Variants in ZBTB22 observed in about 807,000 individuals in gnomAD.
The protein encoded by ZBTB22 is zinc finger and BTB domain-containing protein 22.
For synonymous variants in ZBTB22, 356 were observed against 347.3 expected, an observed-to-expected ratio of 1.03 and a Z score of -0.28; for missense variants, 668 against 834.1, an observed-to-expected ratio of 0.80 and a Z score of 2.45.
Position 33,314,666 on chromosome 6 carries a change from C to A in ZBTB22, c.*346G>T. On this transcript the variant is annotated 3_prime_UTR_variant, in exon 2 of 2. Transcript: ENST00000431845. The stretch of plus-strand genomic sequence containing the variant: ...CGACAACACAAACACAGACTTCAGG[C>A]ACAGACTACAACCACCTGACCCCTG... 1 of 304,770 alleles carries A rather than the reference C, an allele frequency of 3.3e-6. No homozygotes were observed. The highest frequency in any genetic ancestry group is 6.1e-6 in the Non-Finnish European group (1 of 163,586). The allele number at this position is 304,770 out of a possible 1,614,324, so 18.9% of individuals were successfully genotyped here.
chr6:33,315,306 A>C lies in ZBTB22; in HGVS notation c.1611T>G (p.Gly537=). The C allele has an allele frequency of 6.2e-7, 1 of 1,613,872 alleles. No homozygotes were observed. The highest frequency in any genetic ancestry group is 1.1e-5 in the South Asian group (1 of 91,068). Residue 537 remains glycine, a synonymous_variant, in exon 2 of 2, where the codon GGT becomes GGG. Coordinates refer to ENST00000431845, the MANE Select transcript of ZBTB22 (RefSeq NM_005453.5). This position sits in a 1 kb window ranked among gnomAD's most constrained non-coding sequence, Gnocchi z 5.4. ...AGACTCCGCACTCGTAGGGCTTGAG[A>C]CCTGTGTGCGTCTTCATGTGCTCAG... ...HLTEHMKTHT[G]LKPYECGVCA...
At chr6:33,317,092 G>A in intron 1 of ZBTB22, 107 bp from the exon 2 acceptor site, 1 of 726,198 alleles carries the variant, frequency 1.4e-6, no homozygotes, top group Non-Finnish European at 2.2e-6. Context: ...CCCCACAACA[G>A]TGAGGTAGGT....
At position 33,315,818 on chromosome 6, in the gene ZBTB22, G is replaced by C; in HGVS notation, c.1099C>G (p.Pro367Ala). Residue 367 changes from proline to alanine, a missense_variant, in exon 2 of 2, where the codon CCC (proline) becomes GCC (alanine). Pro to Ala is a conservative substitution (Grantham distance 27). Coordinates refer to ENST00000431845, the MANE Select transcript of ZBTB22 (RefSeq NM_005453.5). This position sits in a 1 kb window ranked among gnomAD's most constrained non-coding sequence, Gnocchi z 5.4. The part of the protein sequence containing the change: ...SISDVRTLSE[P>A]PDKGEEQVNF... ...ACCTGCTCCTCCCCCTTGTCTGGGG[G>C]CTCACTCAGGGTACGGACATCACTT... 6.2e-7 allele frequency: 1 copy of C among 1,612,832 alleles called. No individual in the cohort carries two copies. The highest frequency in any genetic ancestry group is 8.5e-7 in the Non-Finnish European group (1 of 1,179,270).
In ZBTB22 at chr6:33,316,711, C is replaced by T; in HGVS notation, c.206G>A (p.Arg69Gln). The T allele has an allele frequency of 6.2e-6, 10 of 1,614,166 alleles. No individual in the cohort carries two copies. The highest frequency in any genetic ancestry group is 1.1e-5 in the South Asian group (1 of 91,082). The change falls in exon 2 of 2, where the codon CGG becomes CAG. Residue 69 changes from arginine (R) to glutamine (Q), a missense_variant. Transcript: ENST00000431845. The surrounding 1 kb of genome is among the most constrained non-coding windows in gnomAD (Gnocchi z 7.2). ...GGCAGCCAGGACAGCCCGATGAGCC[C>T]GGAACTCCCGGCCCTGCACTCTGAT... ...VSIRVQGREF[R>Q]AHRAVLAASS...
Position 33,315,669 on chromosome 6 carries a change from G to T in ZBTB22, c.1248C>A (p.Leu416=). The part of the protein sequence containing the change: ...SYAPSHPPRP[L]LPLDMQGNQI... ...GGTTGCCCTGCATGTCCAAGGGAAGGAGCGGTCGAGGAGGGTGGGAGGGGG... is the reference window on the plus strand; with the variant it reads ...GGTTGCCCTGCATGTCCAAGGGAAGTAGCGGTCGAGGAGGGTGGGAGGGGG... The change falls in exon 2 of 2, where the codon CTC becomes CTA. Residue 416 remains leucine (L), a synonymous_variant. Coordinates refer to ENST00000431845, the MANE Select transcript of ZBTB22 (RefSeq NM_005453.5). The surrounding 1 kb of genome is among the most constrained non-coding windows in gnomAD (Gnocchi z 5.4). 6.2e-7 allele frequency: 1 copy of T among 1,613,948 alleles called. No homozygotes were observed. Among genetic ancestry groups the T allele is most frequent in the Non-Finnish European group, 8.5e-7 (1 of 1,179,950 alleles).
In ZBTB22 at chr6:33,316,100, C is replaced by G. The variant is rs747700434; in HGVS notation, c.817G>C (p.Gly273Arg). 2 of 1,613,320 alleles carry G rather than the reference C, an allele frequency of 1.2e-6. No individual in the cohort carries two copies. The highest frequency in any genetic ancestry group is 1.7e-6 in the Non-Finnish European group (2 of 1,179,958). Residue 273 changes from glycine (G) to arginine (R), a missense_variant, in exon 2 of 2, where the codon GGG (glycine) becomes CGG (arginine). Transcript: ENST00000431845. This position sits in a 1 kb window ranked among gnomAD's most constrained non-coding sequence, Gnocchi z 7.2. Reference sequence around the variant, plus strand: ...AGCCCAGCCCCAGGAACCACTGCCCCCCTCCCATCCCCACCATCATCGCAC... The same window carrying G: ...AGCCCAGCCCCAGGAACCACTGCCCGCCTCCCATCCCCACCATCATCGCAC... ...ELCDDGGDGR[G>R]AVVPGAGLRR...
At chr6:33,317,868 C>G (rs1770022217), upstream of ZBTB22, 1 of 151,950 alleles carries the variant, frequency 6.6e-6, no homozygotes, top group Admixed American at 6.6e-5. Context: ...GAAACATCGC[C>G]ACATTCCACC....
chr6:33,315,065 G>A lies in ZBTB22; in HGVS notation c.1852C>T (p.Pro618Ser). ...CCCATCTCCACCTTGTGGACTCTGG[G>A]TGGGGACCAGACACGTCTGCTGGAC... is the stretch of plus-strand genomic sequence containing the variant. ...PPSSRRVWSP[P>S]RVHKVEMGFG... The change falls in exon 2 of 2, where the codon CCC becomes TCC. Residue 618 changes from proline to serine, a missense_variant. Transcript: ENST00000431845. This position sits in a 1 kb window ranked among gnomAD's most constrained non-coding sequence, Gnocchi z 5.4. 4.4e-6 allele frequency: 7 copies of A among 1,593,814 alleles called. No homozygotes were observed. The highest frequency in any genetic ancestry group is 6.0e-6 in the Non-Finnish European group (7 of 1,166,934).
Position 33,316,942 on chromosome 6 carries a change from C to A in ZBTB22, c.-26G>T. ...GTTGTGGAGGGAGGGGATACCCCCC[C>A]AGCCACAGGAACAAAGAAAGGAGGA... On this transcript the variant is annotated 5_prime_UTR_variant, in exon 2 of 2. Transcript: ENST00000431845. The surrounding 1 kb of genome is among the most constrained non-coding windows in gnomAD (Gnocchi z 7.2). The A allele has an allele frequency of 6.5e-7, 1 of 1,535,612 alleles. No homozygotes were observed. Among genetic ancestry groups the A allele is most frequent in the Non-Finnish European group, 8.7e-7 (1 of 1,143,956 alleles).
chr6:33,316,705 T>C lies in ZBTB22; in HGVS notation c.212A>G (p.His71Arg), dbSNP rs1459079947. ...IRVQGREFRAHRAVLAASSPY... is the reference protein window; with the variant it reads ...IRVQGREFRARRAVLAASSPY... ...GGAGGAGGCAGCCAGGACAGCCCGATGAGCCCGGAACTCCCGGCCCTGCAC... is the reference window on the plus strand; with the variant it reads ...GGAGGAGGCAGCCAGGACAGCCCGACGAGCCCGGAACTCCCGGCCCTGCAC... Residue 71 changes from histidine to arginine, a missense_variant, in exon 2 of 2, where the codon CAT (histidine) becomes CGT (arginine). By Grantham distance (29) the His-to-Arg change is conservative. Coordinates refer to ENST00000431845, the MANE Select transcript of ZBTB22 (RefSeq NM_005453.5). The surrounding 1 kb of genome is among the most constrained non-coding windows in gnomAD (Gnocchi z 7.2). The C allele has an allele frequency of 6.2e-7, 1 of 1,614,068 alleles. No individual in the cohort carries two copies.
chr6:33,314,797 G>T lies in ZBTB22; in HGVS notation c.*215C>A. The T allele has an allele frequency of 1.1e-6, 1 of 932,172 alleles. No homozygotes were observed. The highest frequency in any genetic ancestry group is 1.5e-6 in the Non-Finnish European group (1 of 662,846). 57.7% of individuals were successfully genotyped at this position (932,172 alleles called of 1,614,324 possible). Reference sequence around the variant, plus strand: ...TGTACCCATCAGAGGGAAAGGAAGGGTTTAGTTCTGGAAATACCTTGGGGG... The same window carrying T: ...TGTACCCATCAGAGGGAAAGGAAGGTTTTAGTTCTGGAAATACCTTGGGGG... On this transcript the variant is annotated 3_prime_UTR_variant, in exon 2 of 2. Transcript: ENST00000431845.
Position 33,316,885 on chromosome 6 carries a change from G to T in ZBTB22, c.32C>A (p.Ala11Glu). 6.2e-7 allele frequency: 1 copy of T among 1,609,992 alleles called. No homozygotes were observed. Residue 11 changes from alanine to glutamate, a missense_variant, in exon 2 of 2, where the codon GCA becomes GAA. By Grantham distance (107) the Ala-to-Glu change is moderately radical. Coordinates refer to ENST00000431845, the MANE Select transcript of ZBTB22 (RefSeq NM_005453.5). This position sits in a 1 kb window ranked among gnomAD's most constrained non-coding sequence, Gnocchi z 7.2. MEPSPLSPSGAALPLPLSLAP... is the reference protein window; with the variant it reads MEPSPLSPSGEALPLPLSLAP... The stretch of plus-strand genomic sequence containing the variant: ...CAGCGACAGCGGCAGGGGAAGTGCT[G>T]CCCCACTGGGAGACAGAGGAGATGG...
Position 33,315,367 on chromosome 6 carries a change from A to G in ZBTB22, c.1550T>C (p.Val517Ala), listed in dbSNP as rs1769774773. 1 of 1,614,084 alleles carries G rather than the reference A, an allele frequency of 6.2e-7. No individual in the cohort carries two copies. The highest frequency in any genetic ancestry group is 1.3e-5 in the African/African-American group (1 of 74,936). ...HLNLRPFDCPVCNKKFKMKHH... is the reference protein window; with the variant it reads ...HLNLRPFDCPACNKKFKMKHH... ...CTTCATCTTGAACTTTTTGTTGCAC[A>G]CGGGGCAGTCAAACGGCCGCAGATT... The change falls in exon 2 of 2, where the codon GTG becomes GCG. Residue 517 changes from valine (V) to alanine (A), a missense_variant. Coordinates refer to ENST00000431845, the MANE Select transcript of ZBTB22 (RefSeq NM_005453.5). This position sits in a 1 kb window ranked among gnomAD's most constrained non-coding sequence, Gnocchi z 5.4.
Position 33,316,763 on chromosome 6 carries a change from G to A in ZBTB22, c.154C>T (p.Leu52=). 6.2e-7 allele frequency: 1 copy of A among 1,614,206 alleles called. No individual in the cohort carries two copies. Among genetic ancestry groups the A allele is most frequent in the South Asian group, 1.1e-5 (1 of 91,088 alleles). The change falls in exon 2 of 2, where the codon CTG becomes TTG. Residue 52 remains leucine (L), a synonymous_variant. Coordinates refer to ENST00000431845, the MANE Select transcript of ZBTB22 (RefSeq NM_005453.5). The surrounding 1 kb of genome is among the most constrained non-coding windows in gnomAD (Gnocchi z 7.2). ...ALLESLNQQR[L]QGQLCDVSIR... ...GATACATCGCAGAGCTGGCCCTGCAGACGCTGCTGATTGAGGGACTCCAAG... is the reference window on the plus strand; with the variant it reads ...GATACATCGCAGAGCTGGCCCTGCAAACGCTGCTGATTGAGGGACTCCAAG...
chr6:33,314,998 A>G lies in ZBTB22; in HGVS notation c.*14T>C, dbSNP rs199651905. On this transcript the variant is annotated 3_prime_UTR_variant, in exon 2 of 2. Coordinates refer to ENST00000431845, the MANE Select transcript of ZBTB22 (RefSeq NM_005453.5). ...CCTTTCCCGAAAGCTACCCCACCCC[A>G]GTAGCCTGCCCCTTCAGTTTGCTCC... 7.0e-5 allele frequency: 107 copies of G among 1,530,894 alleles called. No individual in the cohort carries two copies. In the African/African-American group the frequency reaches 1.2e-3, roughly 17 times the overall value. The allele number at this position is 1,530,894 out of a possible 1,614,324, so 94.8% of individuals were successfully genotyped here. A position where few individuals can be genotyped will look rare whatever the true frequency, so the allele number is the denominator to read the frequency against.
In ZBTB22 at chr6:33,314,959, C is replaced by A; in HGVS notation, c.*53G>T. 3 of 1,514,608 alleles carry A rather than the reference C, an allele frequency of 2.0e-6. No homozygotes were observed. The highest frequency in any genetic ancestry group is 2.7e-6 in the Non-Finnish European group (3 of 1,131,266). 93.8% of individuals were successfully genotyped at this position (1,514,608 alleles called of 1,614,324 possible). A position where few individuals can be genotyped will look rare whatever the true frequency, so the allele number is the denominator to read the frequency against. On this transcript the variant is annotated 3_prime_UTR_variant, in exon 2 of 2. Coordinates refer to ENST00000431845, the MANE Select transcript of ZBTB22 (RefSeq NM_005453.5). ...CCCGGGGGCCACAGCGCCCTTGCATCGTGCTCCTTATTCCCTTTCCCGAAA... is the reference window on the plus strand; with the variant it reads ...CCCGGGGGCCACAGCGCCCTTGCATAGTGCTCCTTATTCCCTTTCCCGAAA...
chr6:33,316,172 T>G lies in ZBTB22; in HGVS notation c.745A>C (p.Ser249Arg), dbSNP rs1193732831. The G allele has an allele frequency of 1.9e-6, 3 of 1,613,890 alleles. No individual in the cohort carries two copies. Among genetic ancestry groups the G allele is most frequent in the African/African-American group, 2.7e-5 (2 of 75,010 alleles). ...AGCTTTCCAGATGTGGCCCCTCCAC[T>G]GCCAACGACAGGGGCTGGGAATACA... Reference protein sequence around the residue: ...GPVFPAPVVGSGGATSGKLLL... With the variant: ...GPVFPAPVVGRGGATSGKLLL... The change falls in exon 2 of 2, where the codon AGT becomes CGT. Residue 249 changes from serine (S) to arginine (R), a missense_variant. Ser to Arg is a moderately radical substitution (Grantham distance 110). Coordinates refer to ENST00000431845, the MANE Select transcript of ZBTB22 (RefSeq NM_005453.5). The surrounding 1 kb of genome is among the most constrained non-coding windows in gnomAD (Gnocchi z 7.2).
rs1769758550 is a variant in ZBTB22, at chr6:33,315,196, G to T, written c.1721C>A (p.Ala574Asp). ...ERRHRLGGVG[A>D]VPGPGTPTGP... ...CGTGGGAGTCCCAGGCCCAGGTACG[G>T]CCCCGACCCCGCCCAGGCGGTGCCG... The change falls in exon 2 of 2, where the codon GCC becomes GAC. Residue 574 changes from alanine to aspartate, a missense_variant. Transcript: ENST00000431845. The surrounding 1 kb of genome is among the most constrained non-coding windows in gnomAD (Gnocchi z 5.4). The T allele has an allele frequency of 6.2e-7, 1 of 1,612,466 alleles. No individual in the cohort carries two copies. The highest frequency in any genetic ancestry group is 1.3e-5 in the African/African-American group (1 of 74,882).
At position 33,315,668 on chromosome 6, in the gene ZBTB22, G is replaced by A; in HGVS notation, c.1249C>T (p.Leu417Phe). 2 of 1,613,958 alleles carry A rather than the reference G, an allele frequency of 1.2e-6. No homozygotes were observed. The highest frequency in any genetic ancestry group is 1.3e-5 in the African/African-American group (1 of 74,960). Residue 417 changes from leucine (L) to phenylalanine (F), a missense_variant, in exon 2 of 2, where the codon CTT (leucine) becomes TTT (phenylalanine). Leu to Phe is a conservative substitution (Grantham distance 22). Transcript: ENST00000431845. This position sits in a 1 kb window ranked among gnomAD's most constrained non-coding sequence, Gnocchi z 5.4. ...YAPSHPPRPL[L>F]PLDMQGNQIL... ...TGGTTGCCCTGCATGTCCAAGGGAA[G>A]GAGCGGTCGAGGAGGGTGGGAGGGG...
Sources: allele counts gnomAD v4.1 joint callset, GRCh38; gene constraint gnomAD v4.1.1; non-coding constraint Gnocchi (gnomAD v3.1); transcripts MANE v1.5; gene names NCBI Gene and HGNC (gene_info 2026-07-23, HGNC 2026-07-21).